Variants in HHIPL2 observed in about 807,000 individuals in gnomAD.
HHIPL2 encodes the protein HHIP-like protein 2.
HHIPL2 carries 61 observed loss-of-function variants against 61.0 expected under a neutral mutation model. The observed-to-expected ratio is 1.00, with a 90% CI of 0.81 to 1.24. HHIPL2 has a LOEUF of 1.24. Ranked by LOEUF, HHIPL2 falls within the 50% of genes most tolerant of loss-of-function variation. HHIPL2 has a pLI of 0.00. For synonymous variants in HHIPL2, 343 were observed against 357.4 expected (o/e 0.96, Z 0.45); for missense variants, 885 against 910.2 (o/e 0.97, Z 0.36).
At chr1:222,538,239 TG>T (rs1659346320) in intron 5 of HHIPL2, among the ~76,000 whole-genome samples, 1 of 137,918 alleles carries the variant, frequency 7.3e-6, no homozygotes, top group Admixed American at 7.0e-5. Flanking sequence ...TGTGTGTGTG[TG>T]TGTGTGTGTA....
chr1:222,523,446 G>A (rs146982702), intron 8 of HHIPL2, among the ~76,000 whole-genome samples, 166 bp downstream of exon 8: 177 of 152,280 alleles, frequency 1.2e-3, no homozygotes, highest in Non-Finnish European at 1.9e-3. Flanking sequence ...GTAGAAATGG[G>A]TATCCTTACA....
At chr1:222,538,523 T>C (rs914665265) in intron 5 of HHIPL2, 125 bp downstream of exon 5, 17 of 842,924 alleles carry the variant, frequency 2.0e-5, no homozygotes, top group East Asian at 1.3e-4. Context: ...GTAATATGAG[T>C]GCATACATTT....
chr1:222,547,613 C>T (rs1248607752), intron 1 of HHIPL2, 111 bp downstream of exon 1: 2 of 910,956 alleles, frequency 2.2e-6, no homozygotes, highest in African/African-American at 1.7e-5. Context: ...AGATGAGGCA[C>T]CCGGCACATG....
intron 1 of HHIPL2, among the ~76,000 whole-genome samples, chr1:222,545,477 C>T (rs997486042): frequency 6.6e-6 from 1 of 152,098 alleles, no homozygotes; most frequent in Non-Finnish European, 1.5e-5. Context: ...ACACTTATCA[C>T]AGCAGCTATC....
intron 4 of HHIPL2, among the ~76,000 whole-genome samples, chr1:222,539,455 G>A (rs752792538): frequency 9.5e-5 from 14 of 147,542 alleles, no homozygotes; most frequent in Admixed American, 2.1e-4. Flanking sequence ...ACTTGAACCC[G>A]GGAGTCGGAG....
intron 7 of HHIPL2, among the ~76,000 whole-genome samples, chr1:222,526,030 A>T (rs80134444): frequency 0.016 from 2,416 of 152,034 alleles, 72 homozygotes; most frequent in African/African-American, 0.056. Flanking sequence ...AAAATAAAAA[A>T]AAATCCAGTG....
intron 7 of HHIPL2, 124 bp from the exon 8 acceptor site, chr1:222,523,818 G>A: frequency 3.6e-6 from 3 of 823,936 alleles, no homozygotes; most frequent in Non-Finnish European, 6.1e-6. Context: ...ATGGGGATGG[G>A]GTAGATGTAA....
intron 5 of HHIPL2, among the ~76,000 whole-genome samples, chr1:222,532,925 A>T (rs1659223113): frequency 6.6e-6 from 1 of 152,346 alleles, no homozygotes; most frequent in Admixed American, 6.5e-5. Context: ...TCCCTCTATC[A>T]TCTATCTGAA....
chr1:222,528,241 C>G lies in HHIPL2; in HGVS notation c.1724-1191G>C, dbSNP rs370524581. ...GAGACCTCTTCACCTGCACAGCCCT[C>G]GAGATATTTATTCATTTGTAAAATG... is the stretch of plus-strand genomic sequence containing the variant. On this transcript the variant is annotated intron_variant, in intron 6 of 8. Transcript: ENST00000343410. 2.0e-5 allele frequency among the ~76,000 whole-genome samples: 3 copies of G among 152,250 alleles called. No individual in the cohort carries two copies. The East Asian group carries it at 5.8e-4, about 29-fold the overall frequency.
chr1:222,541,858 T>A (rs1659438904), intron 3 of HHIPL2, among the ~76,000 whole-genome samples, 154 bp downstream of exon 3: 1 of 152,132 alleles, frequency 6.6e-6, no homozygotes, highest in Non-Finnish European at 1.5e-5. Context: ...ATGTCTGAAA[T>A]TTATGGAACA....
chr1:222,536,334 T>C (rs1659302630), intron 5 of HHIPL2, among the ~76,000 whole-genome samples: 1 of 151,888 alleles, frequency 6.6e-6, no homozygotes, highest in Admixed American at 6.6e-5. Context: ...TCTATAGATA[T>C]TAAAAGAATA....
intron 1 of HHIPL2, among the ~76,000 whole-genome samples, chr1:222,545,883 T>A (rs1181401253): frequency 1.3e-5 from 2 of 150,666 alleles, no homozygotes; most frequent in African/African-American, 4.9e-5. Context: ...ATAAAAAAAT[T>A]AAAAAAATAA....
chr1:222,546,633 C>T (rs1659561616), intron 1 of HHIPL2, among the ~76,000 whole-genome samples: 1 of 152,210 alleles, frequency 6.6e-6, no homozygotes, highest in South Asian at 2.1e-4. Context: ...AGCTCAGCTT[C>T]TACCCTAATG....
intron 8 of HHIPL2, 40 bp from the exon 9 acceptor site, chr1:222,522,927 CAGAA>C: frequency 6.5e-7 from 1 of 1,550,146 alleles, no homozygotes; most frequent in Non-Finnish European, 8.8e-7. Context: ...ATATAAGTCC[CAGAA>C]AGTAGCTATA....
chr1:222,543,596 T>G lies in HHIPL2; in HGVS notation c.915A>C (p.Arg305=). Residue 305 remains arginine (R), a synonymous_variant, in exon 2 of 9, where the codon CGA becomes CGC. Transcript: ENST00000343410. ...CCCGAGAAACCTTCATCTCACTAAT[T>G]CGGATCTTTTCTACCTTCTTCTTGT... ...CLDKKKVEKI[R]ISEMKVSRAD... 1 of 1,614,160 alleles carries G rather than the reference T, an allele frequency of 6.2e-7. No homozygotes were observed. The highest frequency in any genetic ancestry group is 8.5e-7 in the Non-Finnish European group (1 of 1,180,036).
chr1:222,525,203 C>A (rs1470063182), intron 7 of HHIPL2: 1 of 152,116 alleles, frequency 6.6e-6, no homozygotes, highest in Non-Finnish European at 1.5e-5. Flanking sequence ...AAATTACCTG[C>A]CAACTGAATC....
intron 5 of HHIPL2, among the ~76,000 whole-genome samples, chr1:222,537,803 T>C (rs1358053628): frequency 6.6e-6 from 1 of 152,062 alleles, no homozygotes; most frequent in African/African-American, 2.4e-5. Context: ...ATTCTAACAA[T>C]TAACAGTCAG....
At chr1:222,528,497 T>C (rs1659116959) in intron 6 of HHIPL2, among the ~76,000 whole-genome samples, 1 of 152,026 alleles carries the variant, frequency 6.6e-6, no homozygotes, top group East Asian at 1.9e-4. Context: ...ATCCCAGCTA[T>C]GCGGGAGGCT....
At chr1:222,535,741 T>C (rs1371754274) in intron 5 of HHIPL2, among the ~76,000 whole-genome samples, 1 of 152,150 alleles carries the variant, frequency 6.6e-6, no homozygotes, top group African/African-American at 2.4e-5. Context: ...AACACACTTG[T>C]GATTTCATTT....
Sources: allele counts gnomAD v4.1 joint callset (sites outside exome capture counted in the v4.1 genomes callset), GRCh38; gene constraint gnomAD v4.1.1; transcripts MANE v1.5; gene names NCBI Gene and HGNC (gene_info 2026-07-23, HGNC 2026-07-21).